ADAM15: variants seen among roughly 807,000 people sequenced by gnomAD.
The protein encoded by ADAM15 is disintegrin and metalloproteinase domain-containing protein 15.
In ADAM15, 77 loss-of-function variants were observed where a neutral mutation model predicts 113.8. The observed-to-expected ratio is 0.68, with a 90% CI of 0.56 to 0.82. ADAM15 has a LOEUF of 0.82. Ranked by LOEUF, ADAM15 falls within the 40% of genes least tolerant of loss-of-function variation. ADAM15 has a pLI of 0.00. For missense variants in ADAM15, 963 were observed against 1,120.1 expected, an observed-to-expected ratio of 0.86 and a Z score of 2.00; for synonymous variants, 388 against 454.1, an observed-to-expected ratio of 0.85 and a Z score of 1.85.
chr1:155,056,598 C>A lies in ADAM15; in HGVS notation c.999+128C>A. The stretch of plus-strand genomic sequence containing the variant: ...GCTACAGGTATAGAGGGTGGAGGTA[C>A]GTGATGTGGCCTTTGCTATCAGGGA... On this transcript the variant is annotated intron_variant, in intron 10 of 22. Transcript: ENST00000356955. The surrounding 1 kb of genome is among the most constrained non-coding windows in gnomAD (Gnocchi z 4.0). 1.1e-6 allele frequency: 1 copy of A among 889,218 alleles called. No homozygotes were observed. The highest frequency in any genetic ancestry group is 1.7e-6 in the Non-Finnish European group (1 of 577,038). The allele number at this position is 889,218 out of a possible 1,614,324, so 55.1% of individuals were successfully genotyped here. A position where few individuals can be genotyped will look rare whatever the true frequency, so the allele number is the denominator to read the frequency against.
intron 2 of ADAM15, among the ~76,000 whole-genome samples, chr1:155,053,111 C>CG (rs576150765): frequency 1.6e-5 from 2 of 125,872 alleles, no homozygotes; most frequent in Non-Finnish European, 3.4e-5. Flanking sequence ...TACCAAACCC[C>CG]CCCCCCCCCA....
At chr1:155,052,629 C>T (rs950688015) in intron 1 of ADAM15, 42 bp from the exon 2 acceptor site, 7 of 1,566,558 alleles carry the variant, frequency 4.5e-6, no homozygotes, top group Admixed American at 1.9e-5. Context: ...GCCCTGCTGT[C>T]GATTCCCTCA....
chr1:155,058,641 C>G lies in ADAM15; in HGVS notation c.1918-69C>G. On this transcript the variant is annotated intron_variant, in intron 15 of 22. Coordinates refer to ENST00000356955, the MANE Select transcript of ADAM15 (RefSeq NM_207197.3). The surrounding 1 kb of genome is among the most constrained non-coding windows in gnomAD (Gnocchi z 4.3). ...TGTAAACGCAGGGTATGGCCTCAAC[C>G]TTATTGGCCTCCCAGTCCCATTAAA... 1 of 1,572,464 alleles carries G rather than the reference C, an allele frequency of 6.4e-7. No homozygotes were observed. Among genetic ancestry groups the G allele is most frequent in the Non-Finnish European group, 8.6e-7 (1 of 1,160,082 alleles).
chr1:155,061,586 C>A, intron 20 of ADAM15, 97 bp downstream of exon 20: 1 of 1,318,958 alleles, frequency 7.6e-7, no homozygotes, highest in Non-Finnish European at 1.1e-6. Context: ...TGGTGCTCTT[C>A]ATTAGGTGAT....
rs1221545225 is a variant in ADAM15, at chr1:155,054,150, G to A, written c.343G>A (p.Glu115Lys). The change falls in exon 5 of 23, where the codon GAG (glutamate) becomes AAG (lysine). Residue 115 changes from glutamate to lysine, a missense_variant and splice_region_variant. Coordinates refer to ENST00000356955, the MANE Select transcript of ADAM15 (RefSeq NM_207197.3). ...TRVVSEGHTL[E>K]NCCYQGRVRG... ...CACTAATGTTGTTCCCATGCTGCAG[G>A]AGAACTGCTGCTACCAGGGAAGAGT... The A allele has an allele frequency of 5.6e-6, 9 of 1,613,878 alleles. No homozygotes were observed. Among genetic ancestry groups the A allele is most frequent in the Non-Finnish European group, 7.6e-6 (9 of 1,179,976 alleles).
chr1:155,056,033 G>A lies in ADAM15; in HGVS notation c.744+33G>A, dbSNP rs760413008. On this transcript the variant is annotated intron_variant, in intron 8 of 22. Coordinates refer to ENST00000356955, the MANE Select transcript of ADAM15 (RefSeq NM_207197.3). The surrounding 1 kb of genome is among the most constrained non-coding windows in gnomAD (Gnocchi z 4.0). ...CTGGACAGGGCAACCCCCACCCCAG[G>A]CCCCTGACCATGGCAACCCCTCTTC... 4 of 1,612,410 alleles carry A rather than the reference G, an allele frequency of 2.5e-6. No individual in the cohort carries two copies. Among genetic ancestry groups the A allele is most frequent in the South Asian group, 1.1e-5 (1 of 91,058 alleles).
chr1:155,059,825 T>C, intron 16 of ADAM15, 77 bp from the exon 17 acceptor site: 3 of 1,449,732 alleles, frequency 2.1e-6, no homozygotes, highest in Non-Finnish European at 2.9e-6. Flanking sequence ...TGTAGAAATC[T>C]GAGATCTTGA....
intron 19 of ADAM15, 36 bp downstream of exon 19, chr1:155,060,868 T>C (rs1219000158): frequency 6.3e-7 from 1 of 1,587,712 alleles, no homozygotes; most frequent in Non-Finnish European, 8.6e-7. Flanking sequence ...GGACTCCACC[T>C]TGGCCGGGCA....
Position 155,057,473 on chromosome 1 carries a change from C to T in ADAM15, c.1323+111C>T. The T allele has an allele frequency of 3.3e-6, 5 of 1,512,648 alleles. No individual in the cohort carries two copies. The highest frequency in any genetic ancestry group is 4.5e-6 in the Non-Finnish European group (5 of 1,107,408). 93.7% of individuals were successfully genotyped at this position (1,512,648 alleles called of 1,614,324 possible). ...TGGGTTCTGAAGGGACTTTCCACCCCTCTCCTACTTGCCCTGTCTGTGGGG... is the reference window on the plus strand; with the variant it reads ...TGGGTTCTGAAGGGACTTTCCACCCTTCTCCTACTTGCCCTGTCTGTGGGG... On this transcript the variant is annotated intron_variant, in intron 12 of 22. Transcript: ENST00000356955. The surrounding 1 kb of genome is among the most constrained non-coding windows in gnomAD (Gnocchi z 5.0).
Position 155,054,518 on chromosome 1 carries a change from T to G in ADAM15, c.612+12T>G. The G allele has an allele frequency of 6.4e-7, 1 of 1,553,872 alleles. No individual in the cohort carries two copies. The highest frequency in any genetic ancestry group is 1.2e-5 in the South Asian group (1 of 83,694). On this transcript the variant is annotated intron_variant, in intron 6 of 22. Transcript: ENST00000356955. ...GCCACATTCGCCGGGTGAGGATGAATGGCAGGGGGGTGGGCTTTGGTTGTC... is the reference window on the plus strand; with the variant it reads ...GCCACATTCGCCGGGTGAGGATGAAGGGCAGGGGGGTGGGCTTTGGTTGTC...
chr1:155,061,259 C>T (rs1050641972), intron 19 of ADAM15, 156 bp from the exon 20 acceptor site: 45 of 603,200 alleles, frequency 7.5e-5, no homozygotes, highest in Non-Finnish European at 1.1e-4. Flanking sequence ...CCTCCCCACT[C>T]GCTCCCCACC....
chr1:155,056,919 G>A lies in ADAM15; in HGVS notation c.1000-34G>A. ...TGGGCATTGTGGTGGAGGCAGGCTG[G>A]GACTGGACCTACAGTACCCCTCCCC... On this transcript the variant is annotated intron_variant, in intron 10 of 22. Transcript: ENST00000356955. The surrounding 1 kb of genome is among the most constrained non-coding windows in gnomAD (Gnocchi z 4.0). 6.5e-7 allele frequency: 1 copy of A among 1,529,584 alleles called. No homozygotes were observed. The allele number at this position is 1,529,584 out of a possible 1,614,324, so 94.8% of individuals were successfully genotyped here. A position where few individuals can be genotyped will look rare whatever the true frequency, so the allele number is the denominator to read the frequency against.
chr1:155,060,418 C>A lies in ADAM15; in HGVS notation c.2207+75C>A, dbSNP rs1662415302. On this transcript the variant is annotated intron_variant, in intron 18 of 22. Transcript: ENST00000356955. ...TGAAGGCTGCCTCACCTCTGCAGCC[C>A]CTGCCACCTGGTTCTGAGCCCCAGG... The A allele has an allele frequency of 3.8e-6, 6 of 1,579,300 alleles. No individual in the cohort carries two copies. The South Asian group carries it at 5.6e-5, about 15-fold the overall frequency.
intron 7 of ADAM15, 36 bp downstream of exon 7, chr1:155,055,888 T>G (rs773582379): frequency 6.2e-7 from 1 of 1,614,158 alleles, no homozygotes; most frequent in South Asian, 1.1e-5. Context: ...CTCCTCCCCC[T>G]GCACTGCCCT....
At chr1:155,055,663 C>G in intron 6 of ADAM15, 127 bp from the exon 7 acceptor site, 1 of 1,015,030 alleles carries the variant, frequency 9.9e-7, no homozygotes, top group Non-Finnish European at 1.5e-6. Flanking sequence ...AGTGGCTCAT[C>G]TGTAAAATGG....
chr1:155,054,007 T>C lies in ADAM15; in HGVS notation c.342+19T>C, dbSNP rs1661434737. The C allele has an allele frequency of 6.2e-7, 1 of 1,613,906 alleles. No individual in the cohort carries two copies. The highest frequency in any genetic ancestry group is 1.3e-5 in the African/African-American group (1 of 74,920). On this transcript the variant is annotated intron_variant, in intron 4 of 22. Coordinates refer to ENST00000356955, the MANE Select transcript of ADAM15 (RefSeq NM_207197.3). ...CACTTTGGTGAGTCAGGCCCTCTTG[T>C]GCCATTTTTGGCTTAGGGGAAAGAG...
rs1222523051 is a variant in ADAM15, at chr1:155,061,453, G to A, written c.2316G>A (p.Arg772=). 1 of 1,613,452 alleles carries A rather than the reference G, an allele frequency of 6.2e-7. No individual in the cohort carries two copies. The highest frequency in any genetic ancestry group is 2.2e-5 in the East Asian group (1 of 44,870). Residue 772 remains arginine (R), a synonymous_variant, in exon 20 of 23, where the codon AGG becomes AGA. Coordinates refer to ENST00000356955, the MANE Select transcript of ADAM15 (RefSeq NM_207197.3). ...SALSFPAPPS[R]PLPPDPVSKR... is the part of the protein sequence containing the mutation. ...TCAGCTTCCCGGCCCCCCCTTCCAG[G>A]CCGCTGCCGCCTGACCCTGTGTCCA...
Position 155,062,240 on chromosome 1 carries a change from C to T in ADAM15, c.2425-5C>T. On this transcript the variant is annotated splice_polypyrimidine_tract_variant and splice_region_variant and intron_variant, in intron 21 of 22. Coordinates refer to ENST00000356955, the MANE Select transcript of ADAM15 (RefSeq NM_207197.3). This position sits in a 1 kb window ranked among gnomAD's most constrained non-coding sequence, Gnocchi z 7.0. ...TAAGCCGGCCTCCTGCCTTCTCTCC[C>T]TCAGTCTCAGGGGCCAGCCAAGCCC... is the stretch of plus-strand genomic sequence containing the variant. 6.9e-7 allele frequency: 1 copy of T among 1,450,726 alleles called. No individual in the cohort carries two copies. The highest frequency in any genetic ancestry group is 9.1e-7 in the Non-Finnish European group (1 of 1,099,218). 89.9% of individuals were successfully genotyped at this position (1,450,726 alleles called of 1,614,324 possible).
At chr1:155,061,271 G>C (rs1662556387) in intron 19 of ADAM15, 144 bp from the exon 20 acceptor site, 1 of 616,184 alleles carries the variant, frequency 1.6e-6, no homozygotes, top group Admixed American at 2.9e-5. Flanking sequence ...CTCCCCACCT[G>C]CATGCACCTG....
Sources: gnomAD v4.1 joint callset for allele counts (sites outside exome capture counted in the v4.1 genomes callset) on GRCh38, gnomAD v4.1.1 for gene constraint, Gnocchi (gnomAD v3.1) non-coding constraint, MANE v1.5 for transcripts, NCBI Gene and HGNC (gene_info 2026-07-23, HGNC 2026-07-21) for gene names.